TBX10: variants seen among roughly 807,000 people sequenced by gnomAD.
The protein encoded by TBX10 is T-box transcription factor 10.
A neutral mutation model predicts 32.4 loss-of-function variants in TBX10; 26 were observed. The observed-to-expected ratio is 0.80, with a 90% CI of 0.59 to 1.11. The LOEUF is 1.11. Ranked by LOEUF, TBX10 falls within the 50% of genes most tolerant of loss-of-function variation. The pLI is 0.00. For synonymous variants in TBX10, 195 were observed against 203.1 expected (o/e 0.96, Z 0.34); for missense variants, 490 against 494.5 (o/e 0.99, Z 0.09).
Position 67,634,831 on chromosome 11 carries a change from T to C in TBX10, c.362A>G (p.Asp121Gly), listed in dbSNP as rs1394008173. 1.1e-5 allele frequency: 17 copies of C among 1,613,282 alleles called. No homozygotes were observed. The highest frequency in any genetic ancestry group is 1.3e-5 in the African/African-American group (1 of 74,880). ...YALLMDFIPL[D>G]DKRYRYAFHS... ...GTCCCCGCACCTGTATCTCTTGTCGTCCAGGGGGATGAAGTCCATGAGCAG... is the reference window on the plus strand; with the variant it reads ...GTCCCCGCACCTGTATCTCTTGTCGCCCAGGGGGATGAAGTCCATGAGCAG... The change falls in exon 3 of 8, where the codon GAC becomes GGC. Residue 121 changes from aspartate to glycine, a missense_variant. Asp to Gly is a moderately conservative substitution (Grantham distance 94). Transcript: ENST00000335385.
intron 4 of TBX10, among the ~76,000 whole-genome samples, chr11:67,633,783 C>T (rs1358429605): frequency 6.6e-6 from 1 of 152,214 alleles, no homozygotes; most frequent in African/African-American, 2.4e-5. Flanking sequence ...GCATTTGTCC[C>T]TATCTGAGAC....
At chr11:67,638,802 G>T (rs1855366388) in intron 1 of TBX10, among the ~76,000 whole-genome samples, 1 of 152,198 alleles carries the variant, frequency 6.6e-6, no homozygotes, top group African/African-American at 2.4e-5. Flanking sequence ...ATGTCCCCCT[G>T]CCCCTGTGGC....
intron 4 of TBX10, among the ~76,000 whole-genome samples, chr11:67,633,849 G>A (rs1241964964): frequency 6.6e-6 from 1 of 152,242 alleles, no homozygotes; most frequent in Non-Finnish European, 1.5e-5. Context: ...ACCTCTGTGA[G>A]GGCAGGGATC....
At position 67,632,614 on chromosome 11, in the gene TBX10, G is replaced by A; in HGVS notation, c.762C>T (p.Asp254=). 1 of 1,614,060 alleles carries A rather than the reference G, an allele frequency of 6.2e-7. No homozygotes were observed. The highest frequency in any genetic ancestry group is 8.5e-7 in the Non-Finnish European group (1 of 1,180,012). Reference sequence around the variant, plus strand: ...GGGTCAGACAGTACCAGGAGTCCAGGTCACTCTCTCTAAAGCCTTTGGCAA... The same window carrying A: ...GGGTCAGACAGTACCAGGAGTCCAGATCACTCTCTCTAAAGCCTTTGGCAA... The part of the protein sequence containing the change: ...NPFAKGFRES[D]LDSWPVAPRP... The change falls in exon 6 of 8, where the codon GAC becomes GAT. Residue 254 remains aspartate, a synonymous_variant. Transcript: ENST00000335385.
intron 4 of TBX10, among the ~76,000 whole-genome samples, chr11:67,633,451 C>G (rs1208905981): frequency 2.6e-5 from 4 of 152,116 alleles, no homozygotes; most frequent in Non-Finnish European, 4.4e-5. Context: ...GCCCGGGAAG[C>G]CACATCATAT....
At position 67,635,053 on chromosome 11, in the gene TBX10, G is replaced by C. The variant is rs765685278; in HGVS notation, c.218C>G (p.Pro73Arg). 17 of 1,613,760 alleles carry C rather than the reference G, an allele frequency of 1.1e-5. No individual in the cohort carries two copies. The South Asian group carries it at 1.9e-4, about 18-fold the overall frequency. Residue 73 changes from proline to arginine, a missense_variant, in exon 2 of 8, where the codon CCT becomes CGT. Physicochemically the swap from Pro to Arg is moderately radical, Grantham distance 103 (BLOSUM62 -2). This residue lies in a region of TBX10 where 307 missense variants were observed against 294.9 expected (regional missense o/e 1.04). Transcript: ENST00000335385. ...SRVTVQLEMKPLWEEFNQLGT... is the reference protein window; with the variant it reads ...SRVTVQLEMKRLWEEFNQLGT... ...CAGCTGGTTGAATTCCTCCCACAGA[G>C]GCTTCATCTCCAGCTGAACTGTCAC...
At chr11:67,633,140 C>G (rs768964105) in intron 4 of TBX10, 37 bp from the exon 5 acceptor site, 24 of 1,596,758 alleles carry the variant, frequency 1.5e-5, no homozygotes, top group Non-Finnish European at 2.1e-5. Flanking sequence ...AGGGGTGAGG[C>G]GGAGTACAGC....
In TBX10 at chr11:67,631,502, C is replaced by G. The variant is rs1183486597; in HGVS notation, c.*103G>C. 2.8e-6 allele frequency: 4 copies of G among 1,443,156 alleles called. No homozygotes were observed. The highest frequency in any genetic ancestry group is 2.0e-5 in the Admixed American group (1 of 50,658). 89.4% of individuals were successfully genotyped at this position (1,443,156 alleles called of 1,614,324 possible). A position where few individuals can be genotyped will look rare whatever the true frequency, so the allele number is the denominator to read the frequency against. Reference sequence around the variant, plus strand: ...TCTCTAGACTTTCACCTACCCTGCTCTCCTTGAGACAGAGATGGGGCTGGA... The same window carrying G: ...TCTCTAGACTTTCACCTACCCTGCTGTCCTTGAGACAGAGATGGGGCTGGA... On this transcript the variant is annotated 3_prime_UTR_variant, in exon 8 of 8. Coordinates refer to ENST00000335385, the MANE Select transcript of TBX10 (RefSeq NM_005995.5).
At chr11:67,634,112 C>T in intron 4 of TBX10, 77 bp downstream of exon 4, 1 of 1,591,678 alleles carries the variant, frequency 6.3e-7, no homozygotes, top group Non-Finnish European at 8.5e-7. Context: ...GTGCTGGGCA[C>T]CAAGGCCATT....
At chr11:67,637,309 G>A (rs1469064018) in intron 1 of TBX10, among the ~76,000 whole-genome samples, 1 of 152,108 alleles carries the variant, frequency 6.6e-6, no homozygotes, top group Non-Finnish European at 1.5e-5. Flanking sequence ...TTCCGGTGCC[G>A]TAAAGAAATA....
chr11:67,635,341 T>C, intron 1 of TBX10, 78 bp from the exon 2 acceptor site: 1 of 1,594,618 alleles, frequency 6.3e-7, no homozygotes, highest in Non-Finnish European at 8.5e-7. Context: ...CCTATATGCC[T>C]CTTCCTCCAG....
chr11:67,635,660 C>T (rs1591125184), intron 1 of TBX10, among the ~76,000 whole-genome samples: 1 of 149,446 alleles, frequency 6.7e-6, no homozygotes, highest in East Asian at 2.0e-4. Flanking sequence ...CCTTCACAAA[C>T]AGCACCTGTT....
chr11:67,632,477 C>T lies in TBX10; in HGVS notation c.774-65G>A. On this transcript the variant is annotated intron_variant, in intron 6 of 7. Coordinates refer to ENST00000335385, the MANE Select transcript of TBX10 (RefSeq NM_005995.5). ...GAAGAACCCAGGCCAGGGATCATGG[C>T]CAGCTTCAGATGGTGGGGCCCCAGG... The T allele has an allele frequency of 6.3e-6, 10 of 1,588,258 alleles. No homozygotes were observed. In the South Asian group the frequency reaches 1.0e-4, roughly 16 times the overall value.
At chr11:67,640,576 T>C (rs991689514), upstream of TBX10, among the ~76,000 whole-genome samples, 1 of 152,220 alleles carries the variant, frequency 6.6e-6, no homozygotes, top group Non-Finnish European at 1.5e-5. Context: ...AGGGGACACA[T>C]GGATCACTCT....
chr11:67,634,415 A>G (rs1458319702), intron 3 of TBX10, 55 bp from the exon 4 acceptor site: 3 of 1,584,694 alleles, frequency 1.9e-6, no homozygotes, highest in Non-Finnish European at 2.6e-6. Flanking sequence ...ACGCCTGAAC[A>G]ATACAGGCGG....
chr11:67,638,005 T>G (rs1401063321), intron 1 of TBX10, among the ~76,000 whole-genome samples: 1 of 152,116 alleles, frequency 6.6e-6, no homozygotes, highest in East Asian at 1.9e-4. Context: ...GTCAGGAGTT[T>G]GAGACCAGCC....
At chr11:67,638,804 C>T (rs1331065250) in intron 1 of TBX10, among the ~76,000 whole-genome samples, 1 of 152,206 alleles carries the variant, frequency 6.6e-6, no homozygotes, top group African/African-American at 2.4e-5. Context: ...GTCCCCCTGC[C>T]CCTGTGGCCA....
In TBX10 at chr11:67,639,555, A is replaced by G; in HGVS notation, c.-83T>C. The stretch of plus-strand genomic sequence containing the variant: ...CTGCCTGCTGGAAGGGGTGGTCACC[A>G]CTCGTCCACTCGGCACCTCAGCTCA... On this transcript the variant is annotated 5_prime_UTR_variant, in exon 1 of 8. Coordinates refer to ENST00000335385, the MANE Select transcript of TBX10 (RefSeq NM_005995.5). 5 of 1,576,508 alleles carry G rather than the reference A, an allele frequency of 3.2e-6. No individual in the cohort carries two copies. The highest frequency in any genetic ancestry group is 4.3e-6 in the Non-Finnish European group (5 of 1,151,620).
chr11:67,635,818 G>A (rs1035799578), intron 1 of TBX10, among the ~76,000 whole-genome samples: 1 of 151,956 alleles, frequency 6.6e-6, no homozygotes, highest in East Asian at 1.9e-4. Flanking sequence ...TTGACAACCC[G>A]CCCAGAGCCT....
Sources: allele counts gnomAD v4.1 joint callset (sites outside exome capture counted in the v4.1 genomes callset), GRCh38; gene constraint gnomAD v4.1.1; regional missense constraint gnomAD v4.1.1; transcripts MANE v1.5; gene names NCBI Gene and HGNC (gene_info 2026-07-23, HGNC 2026-07-21).